Variants in C10orf67 observed in about 807,000 individuals in gnomAD.
C10orf67 encodes the protein chromosome 10 open reading frame 67, also known as uncharacterized protein C10orf67, mitochondrial.
Under a neutral mutation model 35.6 loss-of-function variants are expected in C10orf67, and 60 were observed. That is an observed-to-expected ratio of 1.68 (90% CI 1.37 to 2.09). The LOEUF (loss-of-function observed/expected upper bound fraction) is 2.09. Ranked by LOEUF, C10orf67 falls within the 30% of genes most tolerant of loss-of-function variation. The probability of loss-of-function intolerance (pLI) is 0.00; values close to 1 mark genes in which losing one functional copy is unlikely to be tolerated. For missense variants in C10orf67, 474 were observed against 330.2 expected, an observed-to-expected ratio of 1.44 and a Z score of -3.38; for synonymous variants, 167 against 115.8, an observed-to-expected ratio of 1.44 and a Z score of -2.84.
intron 8 of C10orf67, among the ~76,000 whole-genome samples, chr10:23,275,303 A>G (rs1279293805): frequency 6.6e-6 from 1 of 152,164 alleles, no homozygotes; most frequent in Non-Finnish European, 1.5e-5. Context: ...TATGCAACCT[A>G]TCAAGATCGC....
chr10:23,285,971 G>GTGATGA (rs1843513653), intron 7 of C10orf67, among the ~76,000 whole-genome samples: 1 of 152,210 alleles, frequency 6.6e-6, no homozygotes, highest in South Asian at 2.1e-4. Flanking sequence ...CCATCAACTG[G>GTGATGA]TGGCTTACCA....
At chr10:23,314,501 C>CACAG (rs1554815276) in intron 4 of C10orf67, among the ~76,000 whole-genome samples, 1 of 150,960 alleles carries the variant, frequency 6.6e-6, no homozygotes, top group African/African-American at 2.5e-5. Flanking sequence ...CACACACACA[C>CACAG]ACACACACAC....
intron 4 of C10orf67, among the ~76,000 whole-genome samples, chr10:23,308,220 C>T (rs1483060136): frequency 6.6e-6 from 1 of 152,150 alleles, no homozygotes; most frequent in Non-Finnish European, 1.5e-5. Flanking sequence ...TACCAAACCT[C>T]GTCACCTTCT....
intron 1 of C10orf67, 163 bp downstream of exon 1, chr10:23,344,406 T>C: frequency 1.4e-6 from 1 of 708,982 alleles, no homozygotes; most frequent in South Asian, 1.8e-5. Flanking sequence ...GCGCTTTCAC[T>C]GTCCCGCCTG....
intron 10 of C10orf67, among the ~76,000 whole-genome samples, chr10:23,257,776 C>T (rs1005197914): frequency 2.0e-5 from 3 of 150,906 alleles, no homozygotes; most frequent in African/African-American, 7.3e-5. Context: ...GCACTCCAAC[C>T]TGGGTGACAG....
chr10:23,227,694 G>T lies in C10orf67; in HGVS notation c.1435-3876C>A, dbSNP rs530858012. Among the ~76,000 whole-genome samples, 17 of 152,248 alleles carry T rather than the reference G, an allele frequency of 1.1e-4. No individual in the cohort carries two copies. In the South Asian group the frequency reaches 2.5e-3, roughly 22 times the overall value. ...GATTGTATATCTAGAAAACCCCATC[G>T]TCTCAGCCTAAAATCTCCTTAAGCT... On this transcript the variant is annotated intron_variant, in intron 13 of 15. Coordinates refer to ENST00000636213, the MANE Select transcript of C10orf67 (RefSeq NM_001371909.1).
intron 10 of C10orf67, among the ~76,000 whole-genome samples, chr10:23,264,346 T>C (rs1035622536): frequency 3.9e-5 from 6 of 152,152 alleles, no homozygotes; most frequent in Non-Finnish European, 8.8e-5. Context: ...AGCCAATTCA[T>C]AGAAATATGT....
Position 23,344,690 on chromosome 10 carries a change from C to A in C10orf67, c.85G>T (p.Gly29Trp). ...WVHCFSSSLR[G>W]TFGTRWEAMK... ...GCCTCCCAGCGTGTGCCAAAGGTCCCCCTCAAGGAGGAGGAAAAGCAGTGA... is the reference window on the plus strand; with the variant it reads ...GCCTCCCAGCGTGTGCCAAAGGTCCACCTCAAGGAGGAGGAAAAGCAGTGA... Residue 29 changes from glycine to tryptophan, a missense_variant, in exon 1 of 16, where the codon GGG becomes TGG. Coordinates refer to ENST00000636213, the MANE Select transcript of C10orf67 (RefSeq NM_001371909.1). The A allele has an allele frequency of 6.3e-7, 1 of 1,576,626 alleles. No individual in the cohort carries two copies. The highest frequency in any genetic ancestry group is 1.3e-5 in the African/African-American group (1 of 74,102).
At chr10:23,319,002 TC>T (rs1844844199) in intron 4 of C10orf67, 1 of 715,066 alleles carries the variant, frequency 1.4e-6, no homozygotes. Flanking sequence ...CCCTTTTTTT[TC>T]TTTCCAATTT....
At chr10:23,246,587 G>A (rs1443173812) in intron 12 of C10orf67, among the ~76,000 whole-genome samples, 1 of 152,144 alleles carries the variant, frequency 6.6e-6, no homozygotes, top group Non-Finnish European at 1.5e-5. Context: ...ATACAGTCAT[G>A]CACTGCATAA....
At chr10:23,281,898 A>G in intron 8 of C10orf67, 115 bp downstream of exon 8, 1 of 419,724 alleles carries the variant, frequency 2.4e-6, no homozygotes, top group Non-Finnish European at 4.4e-6. Context: ...GATTTTTGAT[A>G]AAGATGAAAT....
rs533741170 is a variant in C10orf67 at position 23,270,493 on chromosome 10, C to A, written c.976-3239G>T. 7.8e-4 allele frequency among the ~76,000 whole-genome samples: 119 copies of A among 152,326 alleles called. 4 individuals carry two copies. The South Asian group carries it at 0.024, about 30-fold the overall frequency. Reference sequence around the variant, plus strand: ...CATGGAGATCCAGCAGTTTTACATACTCTGGTCCTGGGAATCCTGGCAAGG... The same window carrying A: ...CATGGAGATCCAGCAGTTTTACATAATCTGGTCCTGGGAATCCTGGCAAGG... On this transcript the variant is annotated intron_variant, in intron 8 of 15. Transcript: ENST00000636213.
intron 13 of C10orf67, among the ~76,000 whole-genome samples, chr10:23,231,776 G>C (rs1841919973): frequency 6.6e-6 from 1 of 152,184 alleles, no homozygotes; most frequent in Non-Finnish European, 1.5e-5. Context: ...AGCAGAATGG[G>C]TAAATAAGTT....
intron 8 of C10orf67, among the ~76,000 whole-genome samples, chr10:23,269,982 C>G (rs772093227): frequency 6.6e-6 from 1 of 152,026 alleles, no homozygotes; most frequent in Non-Finnish European, 1.5e-5. Flanking sequence ...CTGAATAACA[C>G]TATCACTCTC....
chr10:23,274,851 T>G (rs1238493230), intron 8 of C10orf67, among the ~76,000 whole-genome samples: 2 of 152,124 alleles, frequency 1.3e-5, no homozygotes, highest in Non-Finnish European at 2.9e-5. Flanking sequence ...GTCCATGAAA[T>G]GTTCACAATT....
At chr10:23,278,080 A>T (rs10828422) in intron 8 of C10orf67, among the ~76,000 whole-genome samples, 20,531 of 152,182 alleles carry the variant, frequency 0.13, 2,646 homozygotes, top group East Asian at 0.66. Flanking sequence ...TAAACCATTC[A>T]TGAGAAATCT....
chr10:23,297,069 G>A (rs1022217906), intron 5 of C10orf67, among the ~76,000 whole-genome samples: 5 of 152,188 alleles, frequency 3.3e-5, no homozygotes, highest in East Asian at 1.9e-4. Flanking sequence ...CTATGTCCTC[G>A]TGAGGTTCCC....
At chr10:23,223,844 G>A (rs1479432988) in intron 13 of C10orf67, 26 bp from the exon 14 acceptor site, 9 of 712,206 alleles carry the variant, frequency 1.3e-5, no homozygotes, top group Admixed American at 8.1e-5. Flanking sequence ...GATATGTACT[G>A]TGTTATCAGG....
chr10:23,308,561 C>A (rs1016925932), intron 4 of C10orf67, among the ~76,000 whole-genome samples: 2 of 152,136 alleles, frequency 1.3e-5, no homozygotes, highest in East Asian at 3.9e-4. Flanking sequence ...AGAAACACCA[C>A]GTTGCCACAG....
Sources: allele counts gnomAD v4.1 joint callset (sites outside exome capture counted in the v4.1 genomes callset), GRCh38; gene constraint gnomAD v4.1.1; transcripts MANE v1.5; gene names NCBI Gene and HGNC (gene_info 2026-07-23, HGNC 2026-07-21).